The following PKP4 variants were observed in gnomAD, a reference collection of about 807,000 sequenced individuals.
PKP4 encodes plakophilin 4.
Under a neutral mutation model 145.1 loss-of-function variants are expected in PKP4, and 90 were observed. That is an observed-to-expected ratio of 0.62 (90% CI 0.52 to 0.74). The LOEUF (loss-of-function observed/expected upper bound fraction) is 0.74, where lower values mean the gene tolerates loss of function less well. Among genes scored for constraint, PKP4 ranks in the 30% least tolerant of loss-of-function variants. The pLI is 0.00. For synonymous variants in PKP4, 563 were observed against 577.2 expected (o/e 0.98, Z 0.35); for missense variants, 1,340 against 1,482.7 (o/e 0.90, Z 1.58).
chr2:158,603,031 A>G (rs2050355464), intron 3 of PKP4, 39 bp from the exon 4 acceptor site: 4 of 1,314,180 alleles, frequency 3.0e-6, no homozygotes, highest in Non-Finnish European at 1.1e-6. Context: ...TTATGACAAA[A>G]TAAATAAATG....
intron 2 of PKP4, among the ~76,000 whole-genome samples, chr2:158,534,616 A>G (rs1306340353): frequency 3.9e-5 from 6 of 152,218 alleles, no homozygotes; most frequent in Admixed American, 3.3e-4. Context: ...CTTAGTATAT[A>G]CTGTGTTTTG....
At chr2:158,672,314 G>T (rs906587817) in intron 17 of PKP4, among the ~76,000 whole-genome samples, 3 of 152,228 alleles carry the variant, frequency 2.0e-5, no homozygotes, top group Non-Finnish European at 4.4e-5. Flanking sequence ...GGAGAGCAAA[G>T]AATCTTCCTT....
intron 3 of PKP4, among the ~76,000 whole-genome samples, chr2:158,601,177 T>C (rs563113706): frequency 6.6e-6 from 1 of 152,306 alleles, no homozygotes; most frequent in Non-Finnish European, 1.5e-5. Flanking sequence ...CTTGCCCCAT[T>C]TGAGCAATTA....
intron 1 of PKP4, among the ~76,000 whole-genome samples, chr2:158,484,829 A>T (rs2105446355): frequency 6.6e-6 from 1 of 152,350 alleles, no homozygotes; most frequent in East Asian, 1.9e-4. Context: ...AACTGCTCAT[A>T]AGTGGGGTGC....
intron 11 of PKP4, among the ~76,000 whole-genome samples, chr2:158,654,012 G>A (rs1266950099): frequency 2.0e-5 from 3 of 152,152 alleles, no homozygotes; most frequent in Non-Finnish European, 4.4e-5. Flanking sequence ...TTTACTTTGA[G>A]CAAAAAAGCC....
At chr2:158,594,724 C>CT (rs1314173378) in intron 3 of PKP4, among the ~76,000 whole-genome samples, 1 of 152,120 alleles carries the variant, frequency 6.6e-6, no homozygotes, top group African/African-American at 2.4e-5. Context: ...TGAATGGACA[C>CT]TAAGTAAATT....
chr2:158,680,317 AAT>A (rs2058357617), intron 21 of PKP4, 110 bp from the exon 22 acceptor site: 1 of 803,908 alleles, frequency 1.2e-6, no homozygotes, highest in Admixed American at 2.8e-5. Flanking sequence ...TTAAACTGCA[AAT>A]ATTGAATATT....
In PKP4 at chr2:158,515,027, C is replaced by G. The variant is rs575520271; in HGVS notation, c.-5-18153C>G. Reference sequence around the variant, plus strand: ...TTAAACATGTATAAAATCAATTTTTCTGATGTTATAATTCAAAACTGTTGA... The same window carrying G: ...TTAAACATGTATAAAATCAATTTTTGTGATGTTATAATTCAAAACTGTTGA... On this transcript the variant is annotated intron_variant, in intron 1 of 21. Transcript: ENST00000389759. 2.0e-5 allele frequency among the ~76,000 whole-genome samples: 3 copies of G among 152,222 alleles called. No individual in the cohort carries two copies. The East Asian group carries it at 5.8e-4, about 29-fold the overall frequency.
intron 1 of PKP4, among the ~76,000 whole-genome samples, chr2:158,519,762 A>G (rs963840998): frequency 6.6e-6 from 1 of 152,164 alleles, no homozygotes; most frequent in African/African-American, 2.4e-5. Flanking sequence ...CTATTATTTC[A>G]TGGAGTTGTG....
intron 21 of PKP4, 66 bp from the exon 22 acceptor site, chr2:158,680,363 A>G: frequency 8.1e-7 from 1 of 1,240,262 alleles, no homozygotes; most frequent in East Asian, 2.3e-5. Flanking sequence ...GCCCACATTA[A>G]TTTTCCTAAC....
intron 2 of PKP4, among the ~76,000 whole-genome samples, chr2:158,548,007 C>A (rs986457614): frequency 2.0e-5 from 3 of 152,204 alleles, no homozygotes; most frequent in Non-Finnish European, 4.4e-5. Flanking sequence ...TTCATCTTAA[C>A]ATTTATTTTT....
At chr2:158,522,761 C>T (rs960042798) in intron 1 of PKP4, among the ~76,000 whole-genome samples, 5 of 152,198 alleles carry the variant, frequency 3.3e-5, no homozygotes, top group African/African-American at 7.2e-5. Flanking sequence ...TGGGCGCAGG[C>T]CAGTGGGTGT....
At chr2:158,514,490 A>G (rs992514231) in intron 1 of PKP4, among the ~76,000 whole-genome samples, 6 of 152,238 alleles carry the variant, frequency 3.9e-5, no homozygotes, top group African/African-American at 1.2e-4. Flanking sequence ...TAAATGGAAT[A>G]AAGGAGACTG....
At chr2:158,466,074 G>A (rs1019645702) in intron 1 of PKP4, among the ~76,000 whole-genome samples, 4 of 152,190 alleles carry the variant, frequency 2.6e-5, no homozygotes, top group African/African-American at 9.7e-5. Context: ...TAGTATATCA[G>A]TTCCATGGGA....
chr2:158,536,363 A>G (rs191747361), intron 2 of PKP4, among the ~76,000 whole-genome samples: 60 of 152,364 alleles, frequency 3.9e-4, no homozygotes, highest in Non-Finnish European at 6.8e-4. Flanking sequence ...CATAATGTCA[A>G]GGCACTTGGT....
At chr2:158,666,586 G>A (rs201106670) in intron 16 of PKP4, 23 bp downstream of exon 16, 25 of 1,575,414 alleles carry the variant, frequency 1.6e-5, no homozygotes, top group Non-Finnish European at 1.7e-6. Flanking sequence ...GACAAGATGA[G>A]CTGTAAATGT....
intron 7 of PKP4, among the ~76,000 whole-genome samples, chr2:158,626,955 T>A (rs1435995870): frequency 6.6e-6 from 1 of 152,212 alleles, no homozygotes; most frequent in Non-Finnish European, 1.5e-5. Context: ...TTTACAAAAC[T>A]GTTTAACATT....
At chr2:158,468,575 C>T (rs1691021714) in intron 1 of PKP4, among the ~76,000 whole-genome samples, 1 of 151,786 alleles carries the variant, frequency 6.6e-6, no homozygotes, top group African/African-American at 2.4e-5. Context: ...AGGTAATATT[C>T]TTGCAAAAAA....
At chr2:158,482,013 T>TA (rs1559202600) in intron 1 of PKP4, among the ~76,000 whole-genome samples, 1 of 152,254 alleles carries the variant, frequency 6.6e-6, no homozygotes, top group Non-Finnish European at 1.5e-5. Context: ...GTAAAGTTTA[T>TA]AGAGTTTTCA....
Sources: allele counts gnomAD v4.1 joint callset (sites outside exome capture counted in the v4.1 genomes callset), GRCh38; gene constraint gnomAD v4.1.1; transcripts MANE v1.5; gene names NCBI Gene and HGNC (gene_info 2026-07-23, HGNC 2026-07-21).